Variants in A4GALT observed in about 807,000 individuals in gnomAD.
A4GALT encodes the protein lactosylceramide 4-alpha-galactosyltransferase.
For synonymous variants in A4GALT, 257 were observed against 220.7 expected (o/e 1.16, Z -1.46); for missense variants, 512 against 486.0 (o/e 1.05, Z -0.50).
chr22:42,706,087 G>A (rs1430028569), intron 1 of A4GALT, among the ~76,000 whole-genome samples: 1 of 112,488 alleles, frequency 8.9e-6, no homozygotes, highest in Non-Finnish European at 2.0e-5. Flanking sequence ...CGGGTGCGGT[G>A]GCTCACGCCT....
chr22:42,700,552 CTGTGCGTGGCCAGGCTGGGG>C (rs1931231314), intron 1 of A4GALT, among the ~76,000 whole-genome samples: 1 of 152,230 alleles, frequency 6.6e-6, no homozygotes. Context: ...GAGCTGGCCC[CTGTGCGTGGCCAGGCTGGGG>C]TGTGGCCACC....
intron 1 of A4GALT, among the ~76,000 whole-genome samples, chr22:42,698,293 A>G (rs1296084399): frequency 6.6e-6 from 1 of 151,118 alleles, no homozygotes; most frequent in African/African-American, 2.4e-5. Flanking sequence ...TGGAGACAGA[A>G]GGCCAAAGGC....
At chr22:42,706,360 A>G (rs1921131958) in intron 1 of A4GALT, among the ~76,000 whole-genome samples, 1 of 150,508 alleles carries the variant, frequency 6.6e-6, no homozygotes, top group Non-Finnish European at 1.5e-5. Context: ...ATCCCAAAAA[A>G]AAAAAAAAAA....
At chr22:42,719,464 C>T (rs1380146027) in intron 1 of A4GALT, among the ~76,000 whole-genome samples, 2 of 152,094 alleles carry the variant, frequency 1.3e-5, no homozygotes, top group African/African-American at 4.8e-5. Context: ...AACAAACAAA[C>T]AGAAAACTAA....
At position 42,693,757 on chromosome 22, in the gene A4GALT, T is replaced by TGGGGGGGGGGGGG; in HGVS notation, c.194_195insCCCCCCCCCCCCC (p.Thr68ProfsTer219). On this transcript the variant is annotated frameshift_variant, in exon 3 of 3. Coordinates refer to ENST00000642412, the MANE Select transcript of A4GALT (RefSeq NM_017436.7). LOFTEE classifies it low-confidence loss of function (END_TRUNC). ...GGCCGTGGGAGGGTGGGGTGGGGGGTGTCAAGGTGGGGCAGGGGATCTCTG... is the reference window on the plus strand; with the variant it reads ...GGCCGTGGGAGGGTGGGGTGGGGGGTGGGGGGGGGGGGGGTCAAGGTGGGGCAGGGGATCTCTG... 6.3e-7 allele frequency: 1 copy of TGGGGGGGGGGGGG among 1,598,022 alleles called. No individual in the cohort carries two copies. Among genetic ancestry groups the TGGGGGGGGGGGGG allele is most frequent in the Non-Finnish European group, 8.5e-7 (1 of 1,173,414 alleles).
intron 1 of A4GALT, among the ~76,000 whole-genome samples, chr22:42,698,939 GCAA>G (rs1931120408): frequency 6.6e-6 from 1 of 151,940 alleles, no homozygotes; most frequent in Admixed American, 6.6e-5. Flanking sequence ...AAATGCCATC[GCAA>G]CGTCAGGAAG....
chr22:42,719,023 A>G (rs1379699476), intron 1 of A4GALT, among the ~76,000 whole-genome samples: 1 of 152,182 alleles, frequency 6.6e-6, no homozygotes, highest in Middle Eastern at 3.2e-3. Context: ...GGGAGTTGCT[A>G]GCTGGGGCTG....
chr22:42,695,861 G>A (rs866713320), intron 1 of A4GALT, among the ~76,000 whole-genome samples: 1 of 152,092 alleles, frequency 6.6e-6, no homozygotes, highest in Non-Finnish European at 1.5e-5. Flanking sequence ...TCTGGTGGGG[G>A]CATCATTTAG....
intron 1 of A4GALT, among the ~76,000 whole-genome samples, chr22:42,703,056 G>A (rs1375958096): frequency 4.5e-5 from 6 of 132,874 alleles, no homozygotes; most frequent in South Asian, 2.2e-4. Context: ...ATGCTGCCCT[G>A]CTGTGTGTGT....
chr22:42,702,338 C>CT (rs36007921), intron 1 of A4GALT, among the ~76,000 whole-genome samples: 2,267 of 138,976 alleles, frequency 0.016, 60 homozygotes, highest in African/African-American at 0.045. Flanking sequence ...GGAACACACT[C>CT]TTTTTTTTTT....
At chr22:42,708,175 G>C (rs1921325717) in intron 1 of A4GALT, among the ~76,000 whole-genome samples, 1 of 150,904 alleles carries the variant, frequency 6.6e-6, no homozygotes, top group African/African-American at 2.4e-5. Context: ...ATCACCTGAG[G>C]TTGGGAGTTC....
intron 1 of A4GALT, among the ~76,000 whole-genome samples, chr22:42,697,510 G>A (rs992159212): frequency 6.6e-6 from 1 of 152,112 alleles, no homozygotes; most frequent in African/African-American, 2.4e-5. Flanking sequence ...TGGGGGCCCC[G>A]AGTGCTGGCA....
intron 1 of A4GALT, among the ~76,000 whole-genome samples, chr22:42,710,314 C>G (rs1000256376): frequency 2.2e-4 from 33 of 152,090 alleles, no homozygotes; most frequent in African/African-American, 7.7e-4. Flanking sequence ...ATATAAATAA[C>G]AAGTCACTAG....
chr22:42,709,311 C>T (rs1921465951), intron 1 of A4GALT, among the ~76,000 whole-genome samples: 1 of 135,468 alleles, frequency 7.4e-6, no homozygotes, highest in Non-Finnish European at 1.5e-5. Flanking sequence ...TCCCAAAATG[C>T]TGGAACTACA....
chr22:42,717,150 C>T (rs1922261858), intron 1 of A4GALT, among the ~76,000 whole-genome samples: 1 of 152,164 alleles, frequency 6.6e-6, no homozygotes, highest in Non-Finnish European at 1.5e-5. Context: ...CCTGAACCCC[C>T]AGGATATGTC....
Position 42,693,580 on chromosome 22 carries a change from CAG to C in A4GALT, c.370_371del (p.Leu124AlafsTer158). ...GAAGTGAGATGCCCAGGTGCCGGGG[CAG>C]AGAGGCGTTGCCACCCGGAAGCCCT... ...MKGLPGGNASLPRHLGISLLS... is the reference protein window; with the variant it reads ...MKGLPGGNASXPRHLGISLLS... On this transcript the variant is annotated frameshift_variant, in exon 3 of 3. Transcript: ENST00000642412. LOFTEE classifies it low-confidence loss of function (END_TRUNC). The C allele has an allele frequency of 1.2e-6, 2 of 1,613,562 alleles. No individual in the cohort carries two copies. Among genetic ancestry groups the C allele is most frequent in the South Asian group, 2.2e-5 (2 of 91,056 alleles).
intron 1 of A4GALT, among the ~76,000 whole-genome samples, chr22:42,719,664 C>T (rs1238082830): frequency 6.6e-6 from 1 of 152,124 alleles, no homozygotes; most frequent in Non-Finnish European, 1.5e-5. Context: ...GGAGGCCTGG[C>T]TCCATCCGCA....
At position 42,693,938 on chromosome 22, in the gene A4GALT, G is replaced by T. The variant is rs1291430666; in HGVS notation, c.14C>A (p.Pro5His). The change falls in exon 3 of 3, where the codon CCC becomes CAC. Residue 5 changes from proline (P) to histidine (H), a missense_variant. By Grantham distance (77) the Pro-to-His change is moderately conservative (BLOSUM62 -2). Coordinates refer to ENST00000642412, the MANE Select transcript of A4GALT (RefSeq NM_017436.7). MSKP[P>H]DLLLRLLRGA... ...CCGGAGCAGCCGCAGCAGGAGGTCGGGGGGCTTGGACATGGTATCCCCAGA... is the reference window on the plus strand; with the variant it reads ...CCGGAGCAGCCGCAGCAGGAGGTCGTGGGGCTTGGACATGGTATCCCCAGA... 6.3e-7 allele frequency: 1 copy of T among 1,588,908 alleles called. No individual in the cohort carries two copies. The highest frequency in any genetic ancestry group is 1.1e-5 in the South Asian group (1 of 87,554).
At chr22:42,711,013 G>C (rs993186153) in intron 1 of A4GALT, among the ~76,000 whole-genome samples, 37 of 139,824 alleles carry the variant, frequency 2.6e-4, no homozygotes, top group Non-Finnish European at 5.3e-4. Context: ...TGACACAGCA[G>C]GACTCTGTCT....
Sources: gnomAD v4.1 joint callset for allele counts (sites outside exome capture counted in the v4.1 genomes callset) on GRCh38, gnomAD v4.1.1 for gene constraint, MANE v1.5 for transcripts, NCBI Gene and HGNC (gene_info 2026-07-23, HGNC 2026-07-21) for gene names.